The following TSNAX variants were observed in gnomAD, a reference collection of about 807,000 sequenced individuals.
TSNAX encodes the protein translin-associated protein X.
In TSNAX, 12 loss-of-function variants were observed where a neutral mutation model predicts 33.0. The ratio of observed to expected loss-of-function variants is 0.36; its 90% CI spans 0.23 to 0.59. TSNAX has a LOEUF of 0.59. Among genes scored for constraint, TSNAX ranks in the 20% least tolerant of loss-of-function variants. TSNAX has a pLI of 0.74. For synonymous variants in TSNAX, 110 were observed against 117.2 expected, an observed-to-expected ratio of 0.94 and a Z score of 0.40; for missense variants, 267 against 341.3, an observed-to-expected ratio of 0.78 and a Z score of 1.72.
intron 4 of TSNAX, among the ~76,000 whole-genome samples, chr1:231,558,912 A>G (rs930988517): frequency 1.3e-5 from 2 of 152,118 alleles, no homozygotes; most frequent in Non-Finnish European, 2.9e-5. Flanking sequence ...TGCAGCTCAG[A>G]ATGAGTCAGG....
Position 231,528,840 on chromosome 1 carries a change from C to G in TSNAX, c.16+14C>G. ...GCAACAAAGAAGGTGGCGTCCTTAA[C>G]AACACGGGGCGTTATTTATCCGGAG... On this transcript the variant is annotated intron_variant, in intron 1 of 5. Transcript: ENST00000366639. 1.2e-6 allele frequency: 2 copies of G among 1,614,202 alleles called. No individual in the cohort carries two copies. The highest frequency in any genetic ancestry group is 2.2e-5 in the South Asian group (2 of 91,076).
intron 5 of TSNAX, among the ~76,000 whole-genome samples, chr1:231,562,604 A>G (rs967983492): frequency 6.6e-6 from 1 of 152,208 alleles, no homozygotes; most frequent in Non-Finnish European, 1.5e-5. Flanking sequence ...AAATGAAAAT[A>G]TTGGGGAAAA....
rs1658430911 is a variant in TSNAX at position 231,528,741 on chromosome 1, C to G, written c.-70C>G. ...GGCTGTTTTCCCAGGTTCCCTCGGC[C>G]TGTACCTCGCGCACTCCTCTTGCTC... On this transcript the variant is annotated 5_prime_UTR_variant, in exon 1 of 6. Coordinates refer to ENST00000366639, the MANE Select transcript of TSNAX (RefSeq NM_005999.3). 2 of 1,599,290 alleles carry G rather than the reference C, an allele frequency of 1.3e-6. No individual in the cohort carries two copies.
chr1:231,542,514 A>G lies in TSNAX; in HGVS notation c.270A>G (p.Ser90=), dbSNP rs1405869823. ...APDMEDILTE[S]EIKLDGVRQK... ...ATATGGAAGATATATTGACTGAATC[A>G]GAAATTAAATTGGATGGTGTCAGAC... Residue 90 remains serine (S), a synonymous_variant, in exon 4 of 6, where the codon TCA becomes TCG. Transcript: ENST00000366639. 6.2e-7 allele frequency: 1 copy of G among 1,614,090 alleles called. No individual in the cohort carries two copies. Among genetic ancestry groups the G allele is most frequent in the Non-Finnish European group, 8.5e-7 (1 of 1,179,986 alleles).
At chr1:231,553,104 A>G (rs1216275889) in intron 4 of TSNAX, among the ~76,000 whole-genome samples, 1 of 152,190 alleles carries the variant, frequency 6.6e-6, no homozygotes, top group Non-Finnish European at 1.5e-5. Context: ...TTTTGGGTGT[A>G]TATACCTAGG....
rs910089525 is a variant in TSNAX, at chr1:231,566,289, G to C, written c.*1384G>C. On this transcript the variant is annotated 3_prime_UTR_variant, in exon 6 of 6. Transcript: ENST00000366639. ...TTGAGAATAACAATGGTAATCGTTAGTAATATTTAGAATTGGAATTTGCCT... is the reference window on the plus strand; with the variant it reads ...TTGAGAATAACAATGGTAATCGTTACTAATATTTAGAATTGGAATTTGCCT... 9 of 152,552 alleles carry C rather than the reference G, an allele frequency of 5.9e-5. No homozygotes were observed. Among genetic ancestry groups the C allele is most frequent in the African/African-American group, 1.9e-4 (8 of 41,424 alleles). 9.4% of individuals were successfully genotyped at this position (152,552 alleles called of 1,614,324 possible).
intron 4 of TSNAX, among the ~76,000 whole-genome samples, chr1:231,544,946 T>G (rs1659808185): frequency 6.6e-6 from 1 of 152,222 alleles, no homozygotes. Flanking sequence ...TTTTAGGCCT[T>G]CGTTTATGAT....
At chr1:231,560,407 C>CG in intron 4 of TSNAX, among the ~76,000 whole-genome samples, 1 of 12,344 alleles carries the variant, frequency 8.1e-5, no homozygotes, top group Non-Finnish European at 2.0e-4. Context: ...TTTCTTTTCT[C>CG]CCCCCCCCCC....
At chr1:231,561,523 C>G (rs1404511057) in intron 5 of TSNAX, among the ~76,000 whole-genome samples, 1 of 152,194 alleles carries the variant, frequency 6.6e-6, no homozygotes, top group African/African-American at 2.4e-5. Flanking sequence ...GTTTTACTCT[C>G]TATTTTTCAC....
intron 4 of TSNAX, among the ~76,000 whole-genome samples, chr1:231,559,950 T>C (rs964633190): frequency 1.3e-5 from 2 of 151,196 alleles, no homozygotes; most frequent in Non-Finnish European, 2.9e-5. Context: ...ATTAAAACTT[T>C]AAGAAAGATC....
chr1:231,543,479 C>T (rs1659708263), intron 4 of TSNAX, among the ~76,000 whole-genome samples: 1 of 152,062 alleles, frequency 6.6e-6, no homozygotes. Context: ...GACCTTTGAG[C>T]ATCGTGTCAG....
chr1:231,564,071 G>A (rs536264683), intron 5 of TSNAX, among the ~76,000 whole-genome samples: 1 of 152,266 alleles, frequency 6.6e-6, no homozygotes, highest in Admixed American at 6.5e-5. Flanking sequence ...ATAATAAATT[G>A]TGATGGTGAG....
At chr1:231,556,661 A>G (rs974445248) in intron 4 of TSNAX, among the ~76,000 whole-genome samples, 1 of 152,238 alleles carries the variant, frequency 6.6e-6, no homozygotes, top group Non-Finnish European at 1.5e-5. Context: ...ATTGCCTTCA[A>G]CTGACATAGT....
At chr1:231,536,176 A>T (rs1659158767) in intron 2 of TSNAX, 1 of 152,192 alleles carries the variant, frequency 6.6e-6, no homozygotes, top group East Asian at 1.9e-4. Context: ...GAACTACTTT[A>T]TGATCTAGTT....
At chr1:231,553,300 A>G (rs1048927077) in intron 4 of TSNAX, among the ~76,000 whole-genome samples, 5 of 152,240 alleles carry the variant, frequency 3.3e-5, no homozygotes, top group Admixed American at 1.3e-4. Context: ...GGAATATGTA[A>G]AAATAATCAG....
intron 5 of TSNAX, 152 bp from the exon 6 acceptor site, chr1:231,564,376 T>C (rs1661297827): frequency 7.1e-7 from 1 of 1,415,130 alleles, no homozygotes; most frequent in Non-Finnish European, 9.3e-7. Flanking sequence ...CAAAACAGAT[T>C]TATTTTATTT....
At chr1:231,540,188 A>C (rs1231393797) in intron 3 of TSNAX, among the ~76,000 whole-genome samples, 2 of 151,724 alleles carry the variant, frequency 1.3e-5, no homozygotes, top group South Asian at 2.1e-4. Flanking sequence ...AAAAAAAAAA[A>C]AAAAAAAAAA....
At chr1:231,541,875 A>G (rs1348247849) in intron 3 of TSNAX, among the ~76,000 whole-genome samples, 1 of 152,120 alleles carries the variant, frequency 6.6e-6, no homozygotes, top group Admixed American at 6.5e-5. Flanking sequence ...TGCTTCTATA[A>G]ATCTCTGAAG....
At chr1:231,547,042 ATAGT>A (rs1659962891) in intron 4 of TSNAX, among the ~76,000 whole-genome samples, 1 of 152,190 alleles carries the variant, frequency 6.6e-6, no homozygotes, top group Non-Finnish European at 1.5e-5. Flanking sequence ...TGTTTGATGA[ATAGT>A]TAATTTTTCT....
Sources: gnomAD v4.1 joint callset for allele counts (sites outside exome capture counted in the v4.1 genomes callset) on GRCh38, gnomAD v4.1.1 for gene constraint, MANE v1.5 for transcripts, NCBI Gene and HGNC (gene_info 2026-07-23, HGNC 2026-07-21) for gene names.